OSBPL11: variants seen among roughly 807,000 people sequenced by gnomAD.
OSBPL11 encodes the protein oxysterol-binding protein-related protein 11.
OSBPL11 carries 33 observed loss-of-function variants against 84.4 expected under a neutral mutation model. The ratio of observed to expected loss-of-function variants is 0.39; its 90% confidence interval spans 0.30 to 0.52. The LOEUF is 0.52. Among genes scored for constraint, OSBPL11 ranks in the 20% least tolerant of loss-of-function variants. The probability of loss-of-function intolerance (pLI) is 0.72; values close to 1 mark genes in which losing one functional copy is unlikely to be tolerated. For missense variants in OSBPL11, 736 were observed against 901.1 expected (o/e 0.82, Z 2.35); for synonymous variants, 276 against 310.2 (o/e 0.89, Z 1.16).
chr3:125,530,512 G>T lies in OSBPL11; in HGVS notation c.*3C>A. The stretch of plus-strand genomic sequence containing the variant: ...CATTTGGTCGAGTTTTAGATAGTAT[G>T]TGTCACTCTGCTGGTTGTGTTGTTG... On this transcript the variant is annotated 3_prime_UTR_variant, in exon 13 of 13. Coordinates refer to ENST00000296220, the MANE Select transcript of OSBPL11 (RefSeq NM_022776.5). 6.2e-7 allele frequency: 1 copy of T among 1,612,960 alleles called. No individual in the cohort carries two copies. The highest frequency in any genetic ancestry group is 8.5e-7 in the Non-Finnish European group (1 of 1,178,968).
intron 1 of OSBPL11, among the ~76,000 whole-genome samples, chr3:125,587,740 C>G (rs1245629494): frequency 6.6e-6 from 1 of 151,956 alleles, no homozygotes; most frequent in Non-Finnish European, 1.5e-5. Flanking sequence ...GAGTTTGAGA[C>G]CAGCCTGGGC....
intron 5 of OSBPL11, among the ~76,000 whole-genome samples, chr3:125,570,946 T>C (rs775934586): frequency 6.6e-6 from 1 of 152,146 alleles, no homozygotes; most frequent in Non-Finnish European, 1.5e-5. Context: ...ACTTTGGAAC[T>C]GGGTAATAGG....
chr3:125,543,705 A>C (rs1476386737), intron 10 of OSBPL11, among the ~76,000 whole-genome samples: 1 of 152,074 alleles, frequency 6.6e-6, no homozygotes, highest in African/African-American at 2.4e-5. Context: ...GTTCAAGACC[A>C]GCCTGGCCAA....
chr3:125,530,349 T>A lies in OSBPL11; in HGVS notation c.*166A>T. 1.5e-6 allele frequency: 1 copy of A among 648,664 alleles called. No homozygotes were observed. The highest frequency in any genetic ancestry group is 1.9e-5 in the South Asian group (1 of 53,372). 40.2% of individuals were successfully genotyped at this position (648,664 alleles called of 1,614,324 possible). ...AAGGTCCACTGTGTTTCTTTACCAC[T>A]TTGGTCTTGCTGCAGTATTATGGTG... On this transcript the variant is annotated 3_prime_UTR_variant, in exon 13 of 13. Coordinates refer to ENST00000296220, the MANE Select transcript of OSBPL11 (RefSeq NM_022776.5).
At position 125,576,224 on chromosome 3, in the gene OSBPL11, T is replaced by C. The variant is rs578047667; in HGVS notation, c.631A>G (p.Asn211Asp). ...TCCACAAGATGGTCTGGAGGTAAAT[T>C]AGTTCTTTTGCTCAGTGATTGCAGT... ...SKLQSLSKRT[N>D]LPPDHLVEVR... is the part of the protein sequence containing the mutation. The change falls in exon 5 of 13, where the codon AAT becomes GAT. Residue 211 changes from asparagine (N) to aspartate (D), a missense_variant. This residue lies in a region of OSBPL11 where 579 missense variants were observed against 717.6 expected (regional missense o/e 0.81). Coordinates refer to ENST00000296220, the MANE Select transcript of OSBPL11 (RefSeq NM_022776.5). The C allele has an allele frequency of 3.7e-6, 6 of 1,610,300 alleles. No homozygotes were observed. The East Asian group carries it at 1.3e-4, about 36-fold the overall frequency.
chr3:125,569,425 G>GT (rs1936211090), intron 5 of OSBPL11, among the ~76,000 whole-genome samples: 1 of 152,128 alleles, frequency 6.6e-6, no homozygotes, highest in Non-Finnish European at 1.5e-5. Flanking sequence ...CTGTATGTAG[G>GT]TATGATGGTA....
rs765800387 is a variant in OSBPL11, at chr3:125,538,493, T to C, written c.1982A>G (p.Lys661Arg). 8.1e-6 allele frequency: 13 copies of C among 1,614,020 alleles called. No homozygotes were observed. Among genetic ancestry groups the C allele is most frequent in the Non-Finnish European group, 9.3e-6 (11 of 1,180,010 alleles). ...CTGCTTCTCCAGAGGTCTCACTCTT[T>C]TCTTCGTCACTGCCAATTTAGTCAA... ...VDLTKLAVTK[K>R]RVRPLEKQDP... Residue 661 changes from lysine (K) to arginine (R), a missense_variant, in exon 11 of 13, where the codon AAA becomes AGA. Transcript: ENST00000296220.
chr3:125,540,906 G>A (rs1448760618), intron 10 of OSBPL11, among the ~76,000 whole-genome samples: 1 of 152,198 alleles, frequency 6.6e-6, no homozygotes, highest in Non-Finnish European at 1.5e-5. Context: ...AGCATGAGGA[G>A]GAGGAAGGCC....
Position 125,563,823 on chromosome 3 carries a change from C to T in OSBPL11, c.889G>A (p.Glu297Lys). Residue 297 changes from glutamate (E) to lysine (K), a missense_variant, in exon 7 of 13, where the codon GAA becomes AAA. Glu to Lys is a moderately conservative substitution (Grantham distance 56). Coordinates refer to ENST00000296220, the MANE Select transcript of OSBPL11 (RefSeq NM_022776.5). ...LPSGTTIEWL[E>K]PKISLSNHYK... ...TGGTTTGATAAAGATATCTTTGGTT[C>T]TAACCACTCGATTGTCGTTCCTGAT... The T allele has an allele frequency of 1.9e-6, 3 of 1,614,032 alleles. No individual in the cohort carries two copies. Among genetic ancestry groups the T allele is most frequent in the South Asian group, 1.1e-5 (1 of 91,076 alleles).
rs555916974 is a variant in OSBPL11, at chr3:125,586,300, T to TGAG, written c.165-3323_165-3322insCTC. ...TTTCTTCTTCAGTCCTCCAAAAACT[T>TGAG]CACTGCTCAAGAAACTGGGTATATT... On this transcript the variant is annotated intron_variant, in intron 1 of 12. Coordinates refer to ENST00000296220, the MANE Select transcript of OSBPL11 (RefSeq NM_022776.5). Among the ~76,000 whole-genome samples the TGAG allele has an allele frequency of 2.2e-4, 33 of 152,236 alleles. No individual in the cohort carries two copies. In the South Asian group the frequency reaches 2.9e-3, roughly 13 times the overall value.
intron 8 of OSBPL11, among the ~76,000 whole-genome samples, chr3:125,557,791 C>CTTTTTT (rs11295103): frequency 9.9e-4 from 81 of 81,944 alleles, no homozygotes; most frequent in African/African-American, 1.5e-3. Context: ...ATACAACTTT[C>CTTTTTT]TTTTTTTTTT....
intron 1 of OSBPL11, among the ~76,000 whole-genome samples, chr3:125,592,021 T>G (rs997675507): frequency 1.3e-5 from 2 of 151,748 alleles, no homozygotes; most frequent in African/African-American, 4.9e-5. Flanking sequence ...AGTTAAATTG[T>G]AAAACTACCA....
intron 10 of OSBPL11, among the ~76,000 whole-genome samples, chr3:125,545,094 G>C (rs1258521280): frequency 6.6e-6 from 1 of 152,162 alleles, no homozygotes; most frequent in African/African-American, 2.4e-5. Flanking sequence ...TTTACTGACT[G>C]AAAGTTAGCT....
chr3:125,585,130 C>CT (rs796508561), intron 1 of OSBPL11, among the ~76,000 whole-genome samples: 46 of 151,898 alleles, frequency 3.0e-4, no homozygotes, highest in South Asian at 8.3e-4. Flanking sequence ...ACGTGTATCT[C>CT]TTTTTTTTAT....
chr3:125,581,479 T>C (rs1293047122), intron 2 of OSBPL11, among the ~76,000 whole-genome samples: 1 of 151,564 alleles, frequency 6.6e-6, no homozygotes, highest in Non-Finnish European at 1.5e-5. Flanking sequence ...GTGGACTGCC[T>C]GAGCTTAGGA....
At position 125,595,019 on chromosome 3, in the gene OSBPL11, T is replaced by G. The variant is rs995021414; in HGVS notation, c.-219A>C. 1.2e-5 allele frequency: 6 copies of G among 516,506 alleles called. No homozygotes were observed. Among genetic ancestry groups the G allele is most frequent in the Admixed American group, 6.4e-5 (2 of 31,116 alleles). 32.0% of individuals were successfully genotyped at this position (516,506 alleles called of 1,614,324 possible). Reference sequence around the variant, plus strand: ...GCAGGGGAAGCAACGAGGACAGATATCCTTCACATGTATCTCTCTCCTTTC... The same window carrying G: ...GCAGGGGAAGCAACGAGGACAGATAGCCTTCACATGTATCTCTCTCCTTTC... On this transcript the variant is annotated 5_prime_UTR_variant, in exon 1 of 13. Coordinates refer to ENST00000296220, the MANE Select transcript of OSBPL11 (RefSeq NM_022776.5).
chr3:125,553,087 G>A (rs1935937203), intron 8 of OSBPL11, among the ~76,000 whole-genome samples: 1 of 152,178 alleles, frequency 6.6e-6, no homozygotes, highest in Non-Finnish European at 1.5e-5. Flanking sequence ...ACTTGTACCT[G>A]AGCAACAGAG....
At chr3:125,563,644 T>G in intron 7 of OSBPL11, 54 bp downstream of exon 7, 1 of 1,590,842 alleles carries the variant, frequency 6.3e-7, no homozygotes, top group Non-Finnish European at 8.6e-7. Flanking sequence ...AACTGACCCT[T>G]TTTCAGTGAT....
chr3:125,593,403 T>C (rs752739214), intron 1 of OSBPL11, among the ~76,000 whole-genome samples: 6 of 152,112 alleles, frequency 3.9e-5, no homozygotes, highest in Non-Finnish European at 7.4e-5. Context: ...GCTGATCACT[T>C]GAGGTCAGGA....
Sources: allele counts gnomAD v4.1 joint callset (sites outside exome capture counted in the v4.1 genomes callset), GRCh38; gene constraint gnomAD v4.1.1; regional missense constraint gnomAD v4.1.1; transcripts MANE v1.5; gene names NCBI Gene and HGNC (gene_info 2026-07-23, HGNC 2026-07-21).